The following ACVR1C variants were observed in gnomAD, a reference collection of about 807,000 sequenced individuals.
The protein encoded by ACVR1C is activin A receptor type 1C.
ACVR1C carries 23 observed loss-of-function variants against 57.9 expected under a neutral mutation model. The observed-to-expected ratio is 0.40, with a 90% CI of 0.29 to 0.56. ACVR1C has a LOEUF of 0.56. ACVR1C is among the 20% of genes least tolerant of loss of function. The pLI is 0.50. For synonymous variants in ACVR1C, 214 were observed against 215.3 expected, an observed-to-expected ratio of 0.99 and a Z score of 0.05; for missense variants, 480 against 607.9, an observed-to-expected ratio of 0.79 and a Z score of 2.21.
At chr2:157,563,576 A>G (rs1688292380) in intron 2 of ACVR1C, among the ~76,000 whole-genome samples, 1 of 152,230 alleles carries the variant, frequency 6.6e-6, no homozygotes, top group African/African-American at 2.4e-5. Flanking sequence ...TATTCCCATC[A>G]AACTACCATT....
intron 1 of ACVR1C, among the ~76,000 whole-genome samples, chr2:157,595,392 G>A (rs1237856782): frequency 1.3e-5 from 2 of 152,136 alleles, no homozygotes; most frequent in Non-Finnish European, 2.9e-5. Flanking sequence ...GGAGTCCTCT[G>A]GCCCAGTTTA....
intron 1 of ACVR1C, among the ~76,000 whole-genome samples, chr2:157,598,675 GA>G (rs1324874764): frequency 6.6e-6 from 1 of 151,820 alleles, no homozygotes; most frequent in African/African-American, 2.4e-5. Flanking sequence ...GAGTAGCTGG[GA>G]TTACAGGCGC....
At chr2:157,612,912 C>T (rs1682564672) in intron 1 of ACVR1C, among the ~76,000 whole-genome samples, 1 of 152,206 alleles carries the variant, frequency 6.6e-6, no homozygotes, top group Non-Finnish European at 1.5e-5. Flanking sequence ...AGAACTCTCA[C>T]AATTATGCCA....
intron 1 of ACVR1C, among the ~76,000 whole-genome samples, chr2:157,619,186 T>G (rs1346438567): frequency 6.6e-6 from 1 of 151,278 alleles, no homozygotes; most frequent in African/African-American, 2.4e-5. Flanking sequence ...ATAAATGAAA[T>G]CATGTAGATT....
At chr2:157,596,057 G>A (rs1208413846) in intron 1 of ACVR1C, among the ~76,000 whole-genome samples, 4 of 152,086 alleles carry the variant, frequency 2.6e-5, no homozygotes, top group Non-Finnish European at 4.4e-5. Context: ...TTTAGAATAG[G>A]GTCTGTCAGT....
chr2:157,622,406 A>T (rs924060764), intron 1 of ACVR1C, among the ~76,000 whole-genome samples: 1 of 152,232 alleles, frequency 6.6e-6, no homozygotes, highest in Non-Finnish European at 1.5e-5. Flanking sequence ...TGGTACTGAC[A>T]TAAAAACAGA....
intron 2 of ACVR1C, among the ~76,000 whole-genome samples, chr2:157,586,978 G>T (rs140155753): frequency 6.6e-6 from 1 of 151,992 alleles, no homozygotes; most frequent in Non-Finnish European, 1.5e-5. Flanking sequence ...AAATTGTTAC[G>T]TTATTGTCAA....
intron 1 of ACVR1C, among the ~76,000 whole-genome samples, chr2:157,628,230 C>A (rs1482992306): frequency 6.6e-6 from 1 of 152,184 alleles, no homozygotes; most frequent in Non-Finnish European, 1.5e-5. Flanking sequence ...AGCTCCCAGC[C>A]ATGCGCGCAC....
intron 5 of ACVR1C, 100 bp from the exon 6 acceptor site, chr2:157,542,962 G>C (rs962253193): frequency 1.3e-5 from 16 of 1,241,656 alleles, no homozygotes; most frequent in Non-Finnish European, 1.8e-5. Context: ...AATTCAAAAA[G>C]AGTTTTCTTC....
chr2:157,582,293 T>TA (rs1416935997), intron 2 of ACVR1C, among the ~76,000 whole-genome samples: 4 of 152,136 alleles, frequency 2.6e-5, no homozygotes, highest in African/African-American at 9.7e-5. Context: ...GACACTGCCT[T>TA]AAAAAATTTT....
intron 1 of ACVR1C, among the ~76,000 whole-genome samples, chr2:157,621,480 T>A (rs557791588): frequency 6.6e-5 from 10 of 152,292 alleles, no homozygotes; most frequent in African/African-American, 1.9e-4. Context: ...TGATTTGTAT[T>A]GTTCGGGTTT....
At chr2:157,602,937 G>A (rs1164681777) in intron 1 of ACVR1C, among the ~76,000 whole-genome samples, 4 of 151,994 alleles carry the variant, frequency 2.6e-5, no homozygotes, top group East Asian at 1.9e-4. Flanking sequence ...TTCTTGTTCC[G>A]TCAAAGTATT....
intron 1 of ACVR1C, chr2:157,597,568 A>T (rs1682163912): frequency 1.0e-6 from 1 of 985,300 alleles, no homozygotes; most frequent in African/African-American, 1.7e-5. Flanking sequence ...AACCCCCAGG[A>T]GACGTTCTCC....
At chr2:157,624,522 T>G (rs1682857570) in intron 1 of ACVR1C, among the ~76,000 whole-genome samples, 1 of 152,218 alleles carries the variant, frequency 6.6e-6, no homozygotes. Context: ...AAAAACCAAC[T>G]GCTTTCATGC....
chr2:157,573,697 A>G (rs1688578698), intron 2 of ACVR1C, among the ~76,000 whole-genome samples: 1 of 152,148 alleles, frequency 6.6e-6, no homozygotes, highest in African/African-American at 2.4e-5. Flanking sequence ...ATTTTCATGG[A>G]CAATATTAAG....
rs1481738333 is a variant in ACVR1C at position 157,532,010 on chromosome 2, A to C, written c.*1908T>G. 1 of 152,142 alleles carries C rather than the reference A, an allele frequency of 6.6e-6. No homozygotes were observed. Among genetic ancestry groups the C allele is most frequent in the Non-Finnish European group, 1.5e-5 (1 of 68,008 alleles). The allele number at this position is 152,142 out of a possible 1,614,324, so 9.4% of individuals were successfully genotyped here. A position where few individuals can be genotyped will look rare whatever the true frequency, so the allele number is the denominator to read the frequency against. On this transcript the variant is annotated 3_prime_UTR_variant, in exon 9 of 9. Coordinates refer to ENST00000243349, the MANE Select transcript of ACVR1C (RefSeq NM_145259.3). Reference sequence around the variant, plus strand: ...TGTACCCGATATTGTGGCAAGCAAGATATGGGTGCTCTATGATTATTTAAT... The same window carrying C: ...TGTACCCGATATTGTGGCAAGCAAGCTATGGGTGCTCTATGATTATTTAAT...
Position 157,528,794 on chromosome 2 carries a change from T to C in ACVR1C, c.*5124A>G, listed in dbSNP as rs1687292118. 6.6e-6 allele frequency: 1 copy of C among 152,206 alleles called. No homozygotes were observed. Among genetic ancestry groups the C allele is most frequent in the Non-Finnish European group, 1.5e-5 (1 of 68,030 alleles). 9.4% of individuals were successfully genotyped at this position (152,206 alleles called of 1,614,324 possible). A position where few individuals can be genotyped will look rare whatever the true frequency, so the allele number is the denominator to read the frequency against. On this transcript the variant is annotated 3_prime_UTR_variant, in exon 9 of 9. Transcript: ENST00000243349. ...GAATACAAATAACAGCTAGTCTTTT[T>C]AGGTTTTAAAAGAAAAATCATCTCT...
At chr2:157,616,231 C>T (rs560080691) in intron 1 of ACVR1C, among the ~76,000 whole-genome samples, 6 of 152,222 alleles carry the variant, frequency 3.9e-5, no homozygotes, top group East Asian at 3.9e-4. Context: ...TACCTCTGGA[C>T]GCTTCCCTCT....
At chr2:157,608,187 G>A (rs528179201) in intron 1 of ACVR1C, among the ~76,000 whole-genome samples, 13 of 151,574 alleles carry the variant, frequency 8.6e-5, no homozygotes, top group East Asian at 3.9e-4. Flanking sequence ...AGAGTTTTTC[G>A]TCAAAATGAG....
Sources: allele counts gnomAD v4.1 joint callset (sites outside exome capture counted in the v4.1 genomes callset), GRCh38; gene constraint gnomAD v4.1.1; transcripts MANE v1.5; gene names NCBI Gene and HGNC (gene_info 2026-07-23, HGNC 2026-07-21).